The following ZFP3 variants were observed in gnomAD, a reference collection of about 807,000 sequenced individuals.
ZFP3 encodes the protein zinc finger protein 3 homolog.
ZFP3 carries 18 observed loss-of-function variants against 36.7 expected under a neutral mutation model. The observed-to-expected ratio is 0.49, with a 90% confidence interval of 0.34 to 0.73. The LOEUF is 0.73. Among genes scored for constraint, ZFP3 ranks in the 30% least tolerant of loss-of-function variants. ZFP3 has a pLI of 0.01. For synonymous variants in ZFP3, 218 were observed against 199.0 expected (o/e 1.10, Z -0.81); for missense variants, 495 against 599.0 (o/e 0.83, Z 1.81).
chr17:5,079,861 G>T (rs2072084108), intron 1 of ZFP3, among the ~76,000 whole-genome samples: 1 of 152,026 alleles, frequency 6.6e-6, no homozygotes, highest in African/African-American at 2.4e-5. Context: ...CCAACATGGT[G>T]AAACCCTGTC....
chr17:5,090,913 C>T (rs1486184961), intron 1 of ZFP3, among the ~76,000 whole-genome samples: 1 of 152,144 alleles, frequency 6.6e-6, no homozygotes, highest in African/African-American at 2.4e-5. Context: ...AAATGATCCG[C>T]CCGCCTCGGC....
At chr17:5,088,281 A>G (rs2072131099) in intron 1 of ZFP3, among the ~76,000 whole-genome samples, 1 of 152,026 alleles carries the variant, frequency 6.6e-6, no homozygotes. Context: ...TCTGGGCACC[A>G]TCTTTGAGTC....
chr17:5,089,784 TAGCTGAGACTACA>T (rs2072140612), intron 1 of ZFP3, among the ~76,000 whole-genome samples: 1 of 151,950 alleles, frequency 6.6e-6, no homozygotes, highest in Non-Finnish European at 1.5e-5. Context: ...GCCTCCCCAG[TAGCTGAGACTACA>T]GACACATGCC....
chr17:5,083,229 A>C (rs2072103028), intron 1 of ZFP3, among the ~76,000 whole-genome samples: 1 of 152,180 alleles, frequency 6.6e-6, no homozygotes. Flanking sequence ...GTAAAGATGG[A>C]TACACCACAT....
In ZFP3 at chr17:5,093,007, G is replaced by A; in HGVS notation, c.1503G>A (p.Met501Ile). 5 of 1,560,864 alleles carry A rather than the reference G, an allele frequency of 3.2e-6. No individual in the cohort carries two copies. The highest frequency in any genetic ancestry group is 4.3e-6 in the Non-Finnish European group (5 of 1,156,840). ...TCCGACATCAAAGTGTTCACTGTATGGAGTAATCTGCAAAATAGGAAAGCT... is the reference window on the plus strand; with the variant it reads ...TCCGACATCAAAGTGTTCACTGTATAGAGTAATCTGCAAAATAGGAAAGCT... Reference protein sequence around the residue: ...HLLRHQSVHCME With the variant: ...HLLRHQSVHCIE The change falls in exon 2 of 2, where the codon ATG (methionine) becomes ATA (isoleucine). Residue 501 changes from methionine to isoleucine, a missense_variant. Met to Ile is a conservative substitution (Grantham distance 10). Around this residue, in one of 3 missense-constraint regions of ZFP3, gnomAD observed 163 missense variants for 178.4 expected, o/e 0.91. Transcript: ENST00000318833.
intron 1 of ZFP3, among the ~76,000 whole-genome samples, chr17:5,086,813 C>T (rs1258468660): frequency 6.6e-6 from 1 of 150,658 alleles, no homozygotes; most frequent in African/African-American, 2.4e-5. Context: ...CTGCAAGCTC[C>T]GCCTCCCGGG....
Position 5,091,595 on chromosome 17 carries a change from G to C in ZFP3, c.91G>C (p.Val31Leu). 6.2e-7 allele frequency: 1 copy of C among 1,614,228 alleles called. No individual in the cohort carries two copies. Residue 31 changes from valine to leucine, a missense_variant, in exon 2 of 2, where the codon GTG becomes CTG. This residue lies in a region of ZFP3 where 229 missense variants were observed against 233.8 expected (regional missense o/e 0.98). Coordinates refer to ENST00000318833, the MANE Select transcript of ZFP3 (RefSeq NM_153018.3). ...GTCATTATTAGAAAAATTTCCAAAA[G>C]TGGTTTACCAAGGTCATGAGTTTGG... ...HGSLLEKFPK[V>L]VYQGHEFGAG...
chr17:5,083,876 C>CT (rs1555578094), intron 1 of ZFP3, among the ~76,000 whole-genome samples: 2 of 138,504 alleles, frequency 1.4e-5, no homozygotes, highest in African/African-American at 2.5e-5. Flanking sequence ...CTTTTCTTTT[C>CT]TTTTTTTTGA....
chr17:5,094,375 C>G lies in ZFP3; in HGVS notation c.*1362C>G, dbSNP rs2072168217. On this transcript the variant is annotated 3_prime_UTR_variant, in exon 2 of 2. Transcript: ENST00000318833. ...CCTTGAAATTCTTTCTTCGCTATGT[C>G]TGCATGTTTTTTGTGTTCTGTATTT... 1 of 167,058 alleles carries G rather than the reference C, an allele frequency of 6.0e-6. No individual in the cohort carries two copies. The highest frequency in any genetic ancestry group is 1.5e-5 in the Non-Finnish European group (1 of 68,118). The allele number at this position is 167,058 out of a possible 1,614,324, so 10.3% of individuals were successfully genotyped here. A position where few individuals can be genotyped will look rare whatever the true frequency, so the allele number is the denominator to read the frequency against.
At chr17:5,081,703 G>A (rs1205232075) in intron 1 of ZFP3, among the ~76,000 whole-genome samples, 4 of 150,780 alleles carry the variant, frequency 2.7e-5, no homozygotes, top group Non-Finnish European at 5.9e-5. Context: ...CCGGGTTCAC[G>A]CCATTCTCCT....
In ZFP3 at chr17:5,095,221, G is replaced by C. The variant is rs1486980657; in HGVS notation, c.*2208G>C. 1.8e-5 allele frequency: 3 copies of C among 167,040 alleles called. No homozygotes were observed. Among genetic ancestry groups the C allele is most frequent in the African/African-American group, 7.2e-5 (3 of 41,426 alleles). 10.3% of individuals were successfully genotyped at this position (167,040 alleles called of 1,614,324 possible). On this transcript the variant is annotated 3_prime_UTR_variant, in exon 2 of 2. Transcript: ENST00000318833. ...GTGTCTTCCCAGGTTTATATCCTTG[G>C]CTTGAGAAAAGGGTTGTACAAATAG... is the stretch of plus-strand genomic sequence containing the variant.
chr17:5,089,914 T>G (rs2072141254), intron 1 of ZFP3, among the ~76,000 whole-genome samples: 2 of 152,070 alleles, frequency 1.3e-5, no homozygotes, highest in African/African-American at 4.8e-5. Context: ...CACCTCTGCC[T>G]CCCAAAGTAC....
intron 1 of ZFP3, among the ~76,000 whole-genome samples, chr17:5,082,239 A>C (rs954874087): frequency 3.3e-5 from 5 of 151,658 alleles, no homozygotes; most frequent in East Asian, 2.0e-4. Context: ...CCCAGCTACT[A>C]GGGAGGCTGA....
At position 5,094,000 on chromosome 17, in the gene ZFP3, GATA is replaced by G. The variant is rs1412100942; in HGVS notation, c.*988_*990del. 2.4e-5 allele frequency: 4 copies of G among 167,200 alleles called. No individual in the cohort carries two copies. The highest frequency in any genetic ancestry group is 9.6e-5 in the African/African-American group (4 of 41,462). The allele number at this position is 167,200 out of a possible 1,614,324, so 10.4% of individuals were successfully genotyped here. A position where few individuals can be genotyped will look rare whatever the true frequency, so the allele number is the denominator to read the frequency against. ...GCCCCATCTCCTGCCACTGCTGACA[GATA>G]TTGTGACAGTAAGTAGCAGACAGGA... On this transcript the variant is annotated 3_prime_UTR_variant, in exon 2 of 2. Transcript: ENST00000318833.
At chr17:5,079,052 T>TTGTG (rs1226286881) in intron 1 of ZFP3, among the ~76,000 whole-genome samples, 2 of 152,152 alleles carry the variant, frequency 1.3e-5, no homozygotes, top group Non-Finnish European at 1.5e-5. Flanking sequence ...TAGAGCCCTA[T>TTGTG]TGTGGGTCAG....
intron 1 of ZFP3, among the ~76,000 whole-genome samples, chr17:5,088,444 G>GCTT (rs1228483492): frequency 6.6e-6 from 1 of 150,672 alleles, no homozygotes; most frequent in Non-Finnish European, 1.5e-5. Flanking sequence ...CAGCCTCCCA[G>GCTT]CTGATCTTCC....
Position 5,092,898 on chromosome 17 carries a change from T to C in ZFP3, c.1394T>C (p.Ile465Thr), listed in dbSNP as rs775082519. 17 of 1,614,098 alleles carry C rather than the reference T, an allele frequency of 1.1e-5. No individual in the cohort carries two copies. Among genetic ancestry groups the C allele is most frequent in the African/African-American group, 9.3e-5 (7 of 74,926 alleles). The change falls in exon 2 of 2, where the codon ATC becomes ACC. Residue 465 changes from isoleucine to threonine, a missense_variant. By Grantham distance (89) the Ile-to-Thr change is moderately conservative. This residue lies in a region of ZFP3 where 163 missense variants were observed against 178.4 expected (regional missense o/e 0.91). Transcript: ENST00000318833. This position sits in a 1 kb window ranked among gnomAD's most constrained non-coding sequence, Gnocchi z 5.0. ...ACATTTAGCCAGCATTCCCAACTTA[T>C]CATACATCAGAGAATTCACACTGGA... is the stretch of plus-strand genomic sequence containing the variant. ...EKTFSQHSQL[I>T]IHQRIHTGEK...
Position 5,081,881 on chromosome 17 carries a change from G to A in ZFP3, c.-9+3306G>A, listed in dbSNP as rs559150794. ...CTCCCAAAGTGTTGGGATTACAGGC[G>A]TGAGCCACCACGCCTGGCCCTTTTC... On this transcript the variant is annotated intron_variant, in intron 1 of 1. Coordinates refer to ENST00000318833, the MANE Select transcript of ZFP3 (RefSeq NM_153018.3). 2.4e-3 allele frequency among the ~76,000 whole-genome samples: 354 copies of A among 149,124 alleles called. 4 individuals are homozygous for A. The highest frequency in any genetic ancestry group is 8.3e-3 in the African/African-American group (341 of 41,014).
chr17:5,088,482 T>C (rs1257850489), intron 1 of ZFP3, among the ~76,000 whole-genome samples: 1 of 151,418 alleles, frequency 6.6e-6, no homozygotes. Flanking sequence ...CTTTCTTTTT[T>C]TTTTTTTTTT....
Sources: allele counts gnomAD v4.1 joint callset (sites outside exome capture counted in the v4.1 genomes callset), GRCh38; gene constraint gnomAD v4.1.1; regional missense constraint gnomAD v4.1.1; non-coding constraint Gnocchi (gnomAD v3.1); transcripts MANE v1.5; gene names NCBI Gene and HGNC (gene_info 2026-07-23, HGNC 2026-07-21).